Variants in STKLD1 observed in about 807,000 individuals in gnomAD.
STKLD1 encodes serine/threonine kinase like domain containing 1.
A neutral mutation model predicts 80.4 loss-of-function variants in STKLD1; 79 were observed. The observed-to-expected ratio is 0.98, with a 90% CI of 0.82 to 1.19. The LOEUF (loss-of-function observed/expected upper bound fraction) is 1.19. STKLD1 is among the 50% of genes most tolerant of loss of function. STKLD1 has a pLI of 0.00. For missense variants in STKLD1, 841 were observed against 856.0 expected (o/e 0.98, Z 0.22); for synonymous variants, 393 against 357.6 (o/e 1.10, Z -1.12).
chr9:133,381,325 C>T (rs2130265856), intron 2 of STKLD1, among the ~76,000 whole-genome samples: 2 of 150,972 alleles, frequency 1.3e-5, no homozygotes, highest in East Asian at 2.0e-4. Flanking sequence ...TTTTAGTAGA[C>T]GGGGTTTCTC....
chr9:133,399,878 CAAA>C lies in STKLD1; in HGVS notation c.1082-521_1082-519del, dbSNP rs781902375. On this transcript the variant is annotated intron_variant, in intron 11 of 17. Coordinates refer to ENST00000371957, the MANE Select transcript of STKLD1 (RefSeq NM_153710.5). ...TAGGCGACAGAGTGAGACTCTGTTT[CAAA>C]AAAAAAAAAAAAAGAGGGGGGGGTC... Among the ~76,000 whole-genome samples the C allele has an allele frequency of 4.1e-3, 546 of 133,918 alleles. 4 individuals are homozygous for C. The highest frequency in any genetic ancestry group is 0.014 in the African/African-American group (495 of 36,190). 87.9% of individuals were successfully genotyped at this position (133,918 alleles called of 152,430 possible). A position where few individuals can be genotyped will look rare whatever the true frequency, so the allele number is the denominator to read the frequency against.
intron 10 of STKLD1, among the ~76,000 whole-genome samples, chr9:133,397,701 C>A (rs1027104250): frequency 6.6e-6 from 1 of 152,198 alleles, no homozygotes; most frequent in African/African-American, 2.4e-5. Context: ...TTCCTTCCTG[C>A]GTGCTTCTAT....
At chr9:133,400,383 G>T in intron 11 of STKLD1, 30 bp from the exon 12 acceptor site, 1 of 1,570,056 alleles carries the variant, frequency 6.4e-7, no homozygotes. Context: ...GGCCCAAAAT[G>T]AGTCTCCCCT....
Position 133,384,015 on chromosome 9 carries a change from G to A in STKLD1, c.219+115G>A. On this transcript the variant is annotated intron_variant, in intron 3 of 17. Coordinates refer to ENST00000371957, the MANE Select transcript of STKLD1 (RefSeq NM_153710.5). The surrounding 1 kb of genome is among the most constrained non-coding windows in gnomAD (Gnocchi z 4.3). The stretch of plus-strand genomic sequence containing the variant: ...AGAGAAGGCTGGAGGGAGGGATAGA[G>A]CATCAGCACCAGTTTTGCCTCAGCT... 9.7e-7 allele frequency: 1 copy of A among 1,027,392 alleles called. No individual in the cohort carries two copies. Among genetic ancestry groups the A allele is most frequent in the Non-Finnish European group, 1.5e-6 (1 of 664,618 alleles). 63.6% of individuals were successfully genotyped at this position (1,027,392 alleles called of 1,614,324 possible). A position where few individuals can be genotyped will look rare whatever the true frequency, so the allele number is the denominator to read the frequency against.
chr9:133,391,128 G>C (rs1372914922), intron 7 of STKLD1, among the ~76,000 whole-genome samples: 3 of 151,760 alleles, frequency 2.0e-5, no homozygotes, highest in Non-Finnish European at 4.4e-5. Flanking sequence ...GCCCAGGACG[G>C]AGGGAGGTGG....
Position 133,400,444 on chromosome 9 carries a change from G to A in STKLD1, c.1113G>A (p.Val371=), listed in dbSNP as rs781785058. The change falls in exon 12 of 18, where the codon GTG becomes GTA. Residue 371 remains valine (V), a synonymous_variant. Coordinates refer to ENST00000371957, the MANE Select transcript of STKLD1 (RefSeq NM_153710.5). ...GLPWPPELVE[V]VVTTMELHDR... ...CGTGGCCCCCGGAGCTGGTGGAGGTGGTGGTCACGACCATGGAGCTACATG... is the reference window on the plus strand; with the variant it reads ...CGTGGCCCCCGGAGCTGGTGGAGGTAGTGGTCACGACCATGGAGCTACATG... The A allele has an allele frequency of 1.2e-6, 2 of 1,613,146 alleles. No homozygotes were observed. The highest frequency in any genetic ancestry group is 1.7e-6 in the Non-Finnish European group (2 of 1,180,008).
At position 133,390,246 on chromosome 9, in the gene STKLD1, CACA is replaced by C. The variant is rs1838358474; in HGVS notation, c.468-434_468-432del. Among the ~76,000 whole-genome samples the C allele has an allele frequency of 2.8e-5, 3 of 107,250 alleles. No homozygotes were observed. The highest frequency in any genetic ancestry group is 4.3e-5 in the African/African-American group (1 of 23,186). The allele number at this position is 107,250 out of a possible 152,430, so 70.4% of individuals were successfully genotyped here. ...ACACACACACACACACACACACACA[CACA>C]CACCACGCAGACCATACGTACAAAG... On this transcript the variant is annotated intron_variant, in intron 6 of 17. Transcript: ENST00000371957. This position sits in a 1 kb window ranked among gnomAD's most constrained non-coding sequence, Gnocchi z 5.1.
intron 12 of STKLD1, 99 bp from the exon 13 acceptor site, chr9:133,401,639 A>G: frequency 7.1e-7 from 1 of 1,418,258 alleles, no homozygotes; most frequent in Middle Eastern, 2.5e-4. Context: ...TCCTTCATGC[A>G]AAGTGGAGAT....
At chr9:133,377,746 A>G (rs1173516547) in intron 1 of STKLD1, among the ~76,000 whole-genome samples, 4 of 152,122 alleles carry the variant, frequency 2.6e-5, no homozygotes, top group African/African-American at 9.7e-5. Flanking sequence ...CCACAGATGG[A>G]GGCGGGAGGA....
In STKLD1 at chr9:133,395,737, C is replaced by A. The variant is rs199990011; in HGVS notation, c.840C>A (p.Ile280=). The A allele has an allele frequency of 6.2e-7, 1 of 1,613,496 alleles. No homozygotes were observed. The highest frequency in any genetic ancestry group is 2.2e-5 in the East Asian group (1 of 44,888). Residue 280 remains isoleucine (I), a synonymous_variant, in exon 9 of 18, where the codon ATC becomes ATA. Transcript: ENST00000371957. ...ATCTTCTGCCCTTGATGCTCCAGAT[C>A]GACCCCTCGGATCGAATAACGATAA... The part of the protein sequence containing the change: ...FRNLLPLMLQ[I]DPSDRITIKD...
Position 133,376,522 on chromosome 9 carries a change from G to A in STKLD1, c.49G>A (p.Gly17Ser), listed in dbSNP as rs2130248822. ...NRRRPTQGER[G>S]PGSPGEPMEK... ...CAGGCGCCCCACGCAGGGGGAGCGAGGCCCAGGGTCCCCCGGAGAGCCCAT... is the reference window on the plus strand; with the variant it reads ...CAGGCGCCCCACGCAGGGGGAGCGAAGCCCAGGGTCCCCCGGAGAGCCCAT... Residue 17 changes from glycine to serine, a missense_variant, in exon 1 of 18, where the codon GGC (glycine) becomes AGC (serine). Gly to Ser is a moderately conservative substitution (Grantham distance 56). Coordinates refer to ENST00000371957, the MANE Select transcript of STKLD1 (RefSeq NM_153710.5). 4 of 1,601,770 alleles carry A rather than the reference G, an allele frequency of 2.5e-6. No homozygotes were observed. The highest frequency in any genetic ancestry group is 2.3e-5 in the East Asian group (1 of 43,674).
chr9:133,402,952 C>G lies in STKLD1; in HGVS notation c.1414C>G (p.Leu472Val). The G allele has an allele frequency of 6.3e-7, 1 of 1,583,516 alleles. No homozygotes were observed. Among genetic ancestry groups the G allele is most frequent in the Non-Finnish European group, 8.6e-7 (1 of 1,164,902 alleles). The change falls in exon 14 of 18, where the codon CTC becomes GTC. Residue 472 changes from leucine to valine, a missense_variant. Physicochemically the swap from Leu to Val is conservative, Grantham distance 32 (BLOSUM62 1). Coordinates refer to ENST00000371957, the MANE Select transcript of STKLD1 (RefSeq NM_153710.5). Reference sequence around the variant, plus strand: ...CATCCTGGAGCACCTCAACAGCTCCCTCGAAAGCAGGGACGTCTGCGCCAG... The same window carrying G: ...CATCCTGGAGCACCTCAACAGCTCCGTCGAAAGCAGGGACGTCTGCGCCAG... ...EHILEHLNSS[L>V]ESRDVCASGL...
At chr9:133,399,041 A>AT (rs1206385010) in intron 11 of STKLD1, among the ~76,000 whole-genome samples, 1 of 152,066 alleles carries the variant, frequency 6.6e-6, no homozygotes, top group Non-Finnish European at 1.5e-5. Context: ...TTTATTAGAG[A>AT]GGGGGTTTCA....
chr9:133,380,652 AAATT>A lies in STKLD1; in HGVS notation c.174+1549_174+1552del, dbSNP rs2130264195. ...TGGGTGACACAGCGAGACTCTGTCT[AAATT>A]AATTAATTAATTAATTAAATTAAAA... On this transcript the variant is annotated intron_variant, in intron 2 of 17. Transcript: ENST00000371957. 4.6e-4 allele frequency among the ~76,000 whole-genome samples: 70 copies of A among 152,112 alleles called. 1 individual carries two copies. The South Asian group carries it at 0.011, about 23-fold the overall frequency.
chr9:133,380,002 G>A (rs190841794), intron 2 of STKLD1, among the ~76,000 whole-genome samples: 9 of 152,268 alleles, frequency 5.9e-5, no homozygotes, highest in Admixed American at 5.2e-4. Flanking sequence ...AGCCACTGGG[G>A]CAGTGTGGCT....
chr9:133,388,841 T>G, intron 5 of STKLD1: 1 of 985,414 alleles, frequency 1.0e-6, no homozygotes, highest in Non-Finnish European at 1.2e-6. Flanking sequence ...TCTCTTACCA[T>G]GGGCCTCAGA....
At chr9:133,391,947 G>A (rs992926482) in intron 7 of STKLD1, among the ~76,000 whole-genome samples, 1 of 152,084 alleles carries the variant, frequency 6.6e-6, no homozygotes, top group Non-Finnish European at 1.5e-5. Context: ...GAGATGAAGG[G>A]GTGGGTGGCA....
chr9:133,398,423 G>A (rs992582880), intron 11 of STKLD1, among the ~76,000 whole-genome samples: 1 of 152,216 alleles, frequency 6.6e-6, no homozygotes, highest in Non-Finnish European at 1.5e-5. Context: ...CCGTAGCACA[G>A]ATTCCTAGAT....
At position 133,401,738 on chromosome 9, in the gene STKLD1, C is replaced by T. The variant is rs201751407; in HGVS notation, c.1199C>T (p.Ala400Val). The change falls in exon 13 of 18, where the codon GCG becomes GTG. Residue 400 changes from alanine (A) to valine (V), a missense_variant and splice_region_variant. Coordinates refer to ENST00000371957, the MANE Select transcript of STKLD1 (RefSeq NM_153710.5). ...CSLLLHLLGQ[A>V]LVHHPEAKAP... ...AGGCGTCTTCCTCTGGCTTGAGCAG[C>T]GCTGGTGCACCACCCGGAAGCCAAG... 1.0e-4 allele frequency: 163 copies of T among 1,611,308 alleles called. 1 individual carries two copies. In the Middle Eastern group the frequency reaches 1.8e-3, roughly 18 times the overall value.
Sources: allele counts gnomAD v4.1 joint callset (sites outside exome capture counted in the v4.1 genomes callset), GRCh38; gene constraint gnomAD v4.1.1; non-coding constraint Gnocchi (gnomAD v3.1); transcripts MANE v1.5; gene names NCBI Gene and HGNC (gene_info 2026-07-23, HGNC 2026-07-21).